The following MUC4 variants were observed in gnomAD, a reference collection of about 807,000 sequenced individuals.
The protein encoded by MUC4 is mucin 4, cell surface associated, also known as mucin-4.
In MUC4, 202 loss-of-function variants were observed where a neutral mutation model predicts 257.9. That is an observed-to-expected ratio of 0.78 (90% CI 0.70 to 0.88). MUC4 has a LOEUF of 0.88. Ranked by LOEUF, MUC4 falls within the 40% of genes least tolerant of loss-of-function variation. The pLI is 0.00. For synonymous variants in MUC4, 2,351 were observed against 2,757.1 expected (o/e 0.85, Z 4.62); for missense variants, 5,976 against 6,513.7 (o/e 0.92, Z 2.84).
rs1395301120 is a variant in MUC4, at chr3:195,781,880, G to A, written c.9700C>T (p.Pro3234Ser). The stretch of plus-strand genomic sequence containing the variant: ...GATGCTGAGGAAGGGCTAGTGACAG[G>A]AAGAGGCGTGGTGTCACCTGTGGAT... Reference protein sequence around the residue: ...SVSTGDTTPLPVTSPSSASTG... With the variant: ...SVSTGDTTPLSVTSPSSASTG... The change falls in exon 2 of 25, where the codon CCT (proline) becomes TCT (serine). Residue 3234 changes from proline (P) to serine (S), a missense_variant. Pro to Ser is a moderately conservative substitution (Grantham distance 74, BLOSUM62 -1). This residue lies in a region of MUC4 where 28 missense variants were observed against 79.1 expected (regional missense o/e 0.35). Transcript: ENST00000463781. 1.2e-6 allele frequency: 1 copy of A among 846,466 alleles called. No homozygotes were observed. Among genetic ancestry groups the A allele is most frequent in the South Asian group, 2.2e-5 (1 of 46,156 alleles). 52.4% of individuals were successfully genotyped at this position (846,466 alleles called of 1,614,324 possible).
chr3:195,760,428 A>T (rs1211804207), intron 16 of MUC4, among the ~76,000 whole-genome samples: 1 of 134,910 alleles, frequency 7.4e-6, no homozygotes, highest in Non-Finnish European at 1.6e-5. Context: ...TTTGAAGAAC[A>T]CAGAGGAGCC....
At chr3:195,763,099 AC>A (rs1475784097) in intron 12 of MUC4, among the ~76,000 whole-genome samples, 154 bp from the exon 13 acceptor site, 1 of 152,208 alleles carries the variant, frequency 6.6e-6, no homozygotes, top group African/African-American at 2.4e-5. Context: ...GCCGCCGTCT[AC>A]CGTGTGCTCG....
chr3:195,785,537 T>A lies in MUC4; in HGVS notation c.6043A>T (p.Thr2015Ser). The A allele has an allele frequency of 6.6e-7, 1 of 1,514,888 alleles. No individual in the cohort carries two copies. The highest frequency in any genetic ancestry group is 1.2e-5 in the South Asian group (1 of 83,290). 93.8% of individuals were successfully genotyped at this position (1,514,888 alleles called of 1,614,324 possible). ...DTSSVSTGQA[T>S]PLPVTSLSSA... ...GAAAGGCTGGTGACAGGAAGAGGGG[T>A]GGCCTGTCCTGTAGATACTGAGGAA... The change falls in exon 2 of 25, where the codon ACC becomes TCC. Residue 2015 changes from threonine to serine, a missense_variant. By Grantham distance (58) the Thr-to-Ser change is moderately conservative. This residue lies in a region of MUC4 where 51 missense variants were observed against 45.1 expected (regional missense o/e 1.13). Coordinates refer to ENST00000463781, the MANE Select transcript of MUC4 (RefSeq NM_018406.7).
In MUC4 at chr3:195,786,002, T is replaced by C; in HGVS notation, c.5578A>G (p.Thr1860Ala). The change falls in exon 2 of 25, where the codon ACC (threonine) becomes GCC (alanine). Residue 1860 changes from threonine (T) to alanine (A), a missense_variant. Physicochemically the swap from Thr to Ala is moderately conservative, Grantham distance 58. Transcript: ENST00000463781. ...SSGHTTSLPVTDASSVSTGHA... is the reference protein window; with the variant it reads ...SSGHTTSLPVADASSVSTGHA... ...CCTGTGGACACTGAGGAAGCGTCGGTGACAGGAAGAGAGGTGGTGTGACCT... is the reference window on the plus strand; with the variant it reads ...CCTGTGGACACTGAGGAAGCGTCGGCGACAGGAAGAGAGGTGGTGTGACCT... The C allele has an allele frequency of 6.6e-7, 1 of 1,519,492 alleles. No individual in the cohort carries two copies. Among genetic ancestry groups the C allele is most frequent in the Non-Finnish European group, 8.9e-7 (1 of 1,129,938 alleles). The allele number at this position is 1,519,492 out of a possible 1,614,324, so 94.1% of individuals were successfully genotyped here. A position where few individuals can be genotyped will look rare whatever the true frequency, so the allele number is the denominator to read the frequency against.
Position 195,766,047 on chromosome 3 carries a change from A to G in MUC4, c.13619-598T>C, listed in dbSNP as rs7630688. Reference sequence around the variant, plus strand: ...GCGATCTCGGCTCGCTGCAACCTCCACCTCCCAGGTTCAAACAATTCTCCT... The same window carrying G: ...GCGATCTCGGCTCGCTGCAACCTCCGCCTCCCAGGTTCAAACAATTCTCCT... On this transcript the variant is annotated intron_variant, in intron 8 of 24. Coordinates refer to ENST00000463781, the MANE Select transcript of MUC4 (RefSeq NM_018406.7). Among the ~76,000 whole-genome samples, 149 of 150,886 alleles carry G rather than the reference A, an allele frequency of 9.9e-4. 1 individual carries two copies. The highest frequency in any genetic ancestry group is 3.1e-3 in the African/African-American group (128 of 41,034).
At chr3:195,770,181 G>T (rs1722491700) in intron 6 of MUC4, 35 bp downstream of exon 6, 1 of 1,521,116 alleles carries the variant, frequency 6.6e-7, no homozygotes, top group African/African-American at 1.4e-5. Flanking sequence ...CTGACTCCCA[G>T]ATAGCTCCTG....
In MUC4 at chr3:195,788,271, G is replaced by T. The variant is rs1733109274; in HGVS notation, c.3309C>A (p.Thr1103=). ...DTSSASTGHA[T]SLPVTDTSSV... Reference sequence around the variant, plus strand: ...AGGAAGTGTCGGTGACAGGAAGAGAGGTGGCGTGACCTGTGGATGCTGAGG... The same window carrying T: ...AGGAAGTGTCGGTGACAGGAAGAGATGTGGCGTGACCTGTGGATGCTGAGG... Residue 1103 remains threonine (T), a synonymous_variant, in exon 2 of 25, where the codon ACC becomes ACA. Coordinates refer to ENST00000463781, the MANE Select transcript of MUC4 (RefSeq NM_018406.7). 6.5e-7 allele frequency: 1 copy of T among 1,547,516 alleles called. No individual in the cohort carries two copies.
At chr3:195,799,774 C>T (rs1282240118) in intron 1 of MUC4, among the ~76,000 whole-genome samples, 1 of 152,172 alleles carries the variant, frequency 6.6e-6, no homozygotes, top group East Asian at 1.9e-4. Flanking sequence ...AAATTTCTAT[C>T]AGTGGAATTG....
intron 8 of MUC4, 47 bp downstream of exon 8, chr3:195,766,616 C>T (rs376453221): frequency 1.5e-5 from 24 of 1,556,518 alleles, no homozygotes; most frequent in African/African-American, 1.1e-4. Flanking sequence ...CTGGAGGACA[C>T]GCGAGGGCTT....
At chr3:195,793,519 A>G (rs1345818856) in intron 1 of MUC4, among the ~76,000 whole-genome samples, 1 of 152,066 alleles carries the variant, frequency 6.6e-6, no homozygotes, top group Non-Finnish European at 1.5e-5. Context: ...AAATAAATAA[A>G]TAAAATAAAA....
At position 195,765,420 on chromosome 3, in the gene MUC4, G is replaced by A. The variant is rs192340069; in HGVS notation, c.13648C>T (p.His4550Tyr). The A allele has an allele frequency of 6.2e-7, 1 of 1,613,438 alleles. No homozygotes were observed. The highest frequency in any genetic ancestry group is 1.3e-5 in the African/African-American group (1 of 75,046). Residue 4550 changes from histidine (H) to tyrosine (Y), a missense_variant, in exon 9 of 25, where the codon CAC becomes TAC. Around this residue, in one of 44 missense-constraint regions of MUC4, gnomAD observed 996 missense variants for 1,137.3 expected, o/e 0.88. Coordinates refer to ENST00000463781, the MANE Select transcript of MUC4 (RefSeq NM_018406.7). ...CGGTAGTTGGGCCTTTCTTCCCGGT[G>A]TAGCCTGTAGAACTGCAGCCCTTGG... ...GLQGLQFYRL[H>Y]REERPNYRLE...
rs1258192492 is a variant in MUC4, at chr3:195,755,447, C to T, written c.15169-1075G>A. Among the ~76,000 whole-genome samples, 3 of 152,138 alleles carry T rather than the reference C, an allele frequency of 2.0e-5. No homozygotes were observed. The highest frequency in any genetic ancestry group is 7.2e-5 in the African/African-American group (3 of 41,406). ...CTGAGCTCAAGCAATCCGCCTGCCTCAGGCTCCTATGTGGCCTGCAAACTG... is the reference window on the plus strand; with the variant it reads ...CTGAGCTCAAGCAATCCGCCTGCCTTAGGCTCCTATGTGGCCTGCAAACTG... On this transcript the variant is annotated intron_variant, in intron 18 of 24. Coordinates refer to ENST00000463781, the MANE Select transcript of MUC4 (RefSeq NM_018406.7). This position sits in a 1 kb window ranked among gnomAD's most constrained non-coding sequence, Gnocchi z 5.0.
rs1719850579 is a variant in MUC4, at chr3:195,764,028, T to TGGGCCC, written c.14044+11_14044+16dup. 1.2e-6 allele frequency: 2 copies of TGGGCCC among 1,606,588 alleles called. No homozygotes were observed. The highest frequency in any genetic ancestry group is 2.2e-5 in the East Asian group (1 of 44,658). On this transcript the variant is annotated intron_variant, in intron 11 of 24. Coordinates refer to ENST00000463781, the MANE Select transcript of MUC4 (RefSeq NM_018406.7). ...CCTCCCCAGAGGCTCTTCCTGGGCC[T>TGGGCCC]GGGCCCTGTCGCTCACCGGGCTGTG...
chr3:195,798,697 C>A (rs894739263), intron 1 of MUC4, among the ~76,000 whole-genome samples: 1 of 151,790 alleles, frequency 6.6e-6, no homozygotes, highest in African/African-American at 2.4e-5. Context: ...GAGTGAGACT[C>A]CGTCTCAAAA....
At chr3:195,795,875 C>A (rs1734520430) in intron 1 of MUC4, among the ~76,000 whole-genome samples, 5 of 145,218 alleles carry the variant, frequency 3.4e-5, no homozygotes, top group African/African-American at 1.1e-4. Flanking sequence ...GAGAGAGAGA[C>A]AGAAAAGACA....
rs376767009 is a variant in MUC4 at position 195,770,219 on chromosome 3, G to T, written c.13395C>A (p.Leu4465=). The T allele has an allele frequency of 1.9e-6, 3 of 1,605,730 alleles. No homozygotes were observed. Residue 4465 remains leucine, a synonymous_variant, in exon 6 of 25, where the codon CTC becomes CTA. Coordinates refer to ENST00000463781, the MANE Select transcript of MUC4 (RefSeq NM_018406.7). ...NAHAYPAQWT[L]GSNTYQAILS... ...AGCTGCCCAGGGGTCTACTCACCCC[G>T]AGGGTCCACTGGGCAGGATAGGCGT...
In MUC4 at chr3:195,782,174, C is replaced by T. The variant is rs879366420; in HGVS notation, c.9406G>A (p.Ala3136Thr). Reference protein sequence around the residue: ...TSSASTGQATALPVTSTSSAS... With the variant: ...TSSASTGQATTLPVTSTSSAS... ...GAGGAAGTGCTGGTGACAGGAAGAG[C>T]GGTGGCCTGACCTGTGGATGCTGAG... Residue 3136 changes from alanine (A) to threonine (T), a missense_variant, in exon 2 of 25, where the codon GCT becomes ACT. Physicochemically the swap from Ala to Thr is moderately conservative, Grantham distance 58. This residue lies in a region of MUC4 where 128 missense variants were observed against 104.8 expected (regional missense o/e 1.22). Transcript: ENST00000463781. The T allele has an allele frequency of 1.3e-5, 12 of 921,578 alleles. No homozygotes were observed. The highest frequency in any genetic ancestry group is 7.3e-5 in the African/African-American group (2 of 27,350). The allele number at this position is 921,578 out of a possible 1,614,324, so 57.1% of individuals were successfully genotyped here.
rs1733490672 is a variant in MUC4, at chr3:195,789,018, A to G, written c.2562T>C (p.His854=). Residue 854 remains histidine (H), a synonymous_variant, in exon 2 of 25, where the codon CAT becomes CAC. Coordinates refer to ENST00000463781, the MANE Select transcript of MUC4 (RefSeq NM_018406.7). ...TTCCTGTGCTTACTGGGATGGCACC[A>G]TGACTGGCTGAGGCGGACAGCAATT... The part of the protein sequence containing the change: ...TTELLSASAS[H]GAIPVSTGMA... The G allele has an allele frequency of 1.9e-6, 3 of 1,613,860 alleles. No individual in the cohort carries two copies. The highest frequency in any genetic ancestry group is 2.2e-5 in the East Asian group (1 of 44,886).
rs1228481573 is a variant in MUC4 at position 195,783,123 on chromosome 3, G to T, written c.8457C>A (p.Val2819=). Reference sequence around the variant, plus strand: ...CTGTGAACACTGAGGAAGCGTCGGTGACAGGAAGAGAGGTGGCGTGACCTG... The same window carrying T: ...CTGTGAACACTGAGGAAGCGTCGGTTACAGGAAGAGAGGTGGCGTGACCTG... ...VSTGHATSLP[V]TDASSVFTGH... The change falls in exon 2 of 25, where the codon GTC becomes GTA. Residue 2819 remains valine, a synonymous_variant. Coordinates refer to ENST00000463781, the MANE Select transcript of MUC4 (RefSeq NM_018406.7). 3.1e-6 allele frequency: 4 copies of T among 1,288,818 alleles called. No individual in the cohort carries two copies. The highest frequency in any genetic ancestry group is 4.1e-6 in the Non-Finnish European group (4 of 967,878). The allele number at this position is 1,288,818 out of a possible 1,614,324, so 79.8% of individuals were successfully genotyped here.
Sources: gnomAD v4.1 joint callset for allele counts (sites outside exome capture counted in the v4.1 genomes callset) on GRCh38, gnomAD v4.1.1 for gene constraint, gnomAD v4.1.1 regional missense constraint, Gnocchi (gnomAD v3.1) non-coding constraint, MANE v1.5 for transcripts, NCBI Gene and HGNC (gene_info 2026-07-23, HGNC 2026-07-21) for gene names.